Variants in SMYD4 observed in about 807,000 individuals in gnomAD.
The protein encoded by SMYD4 is protein-lysine N-methyltransferase SMYD4.
SMYD4 carries 68 observed loss-of-function variants against 72.8 expected under a neutral mutation model. The observed-to-expected ratio is 0.93, with a 90% confidence interval of 0.77 to 1.14. The LOEUF (loss-of-function observed/expected upper bound fraction) is 1.14. SMYD4 is among the 50% of genes most tolerant of loss of function. The pLI, the probability that SMYD4 is intolerant of heterozygous loss-of-function variation, is 0.00. For synonymous variants in SMYD4, 407 were observed against 388.6 expected (o/e 1.05, Z -0.56); for missense variants, 984 against 1,003.7 (o/e 0.98, Z 0.27).
At chr17:1,815,757 T>A (rs2151248784) in intron 2 of SMYD4, among the ~76,000 whole-genome samples, 1 of 150,940 alleles carries the variant, frequency 6.6e-6, no homozygotes. Context: ...TGGAGTGCAA[T>A]GGTGTGATCT....
At chr17:1,813,909 T>C (rs1207634662) in intron 2 of SMYD4, among the ~76,000 whole-genome samples, 3 of 152,200 alleles carry the variant, frequency 2.0e-5, no homozygotes, top group Non-Finnish European at 2.9e-5. Flanking sequence ...ACTATTCTCT[T>C]TGACTATAAT....
intron 10 of SMYD4, chr17:1,781,675 C>CTT (rs887814604): frequency 2.9e-4 from 53 of 184,292 alleles, no homozygotes; most frequent in South Asian, 9.7e-4. Context: ...AATCTCAAAG[C>CTT]TTTTTTTTTT....
At chr17:1,799,183 T>G (rs113622342) in intron 5 of SMYD4, among the ~76,000 whole-genome samples, 10 of 148,836 alleles carry the variant, frequency 6.7e-5, no homozygotes, top group African/African-American at 2.5e-4. Flanking sequence ...GGCGTGAACC[T>G]GGGAGGCAGA....
intron 3 of SMYD4, among the ~76,000 whole-genome samples, chr17:1,811,729 C>T (rs1485260929): frequency 2.0e-5 from 3 of 152,118 alleles, no homozygotes; most frequent in African/African-American, 7.2e-5. Context: ...TAGTTTGAGA[C>T]CAGCCTGGCC....
chr17:1,799,198 G>T (rs1373028580), intron 5 of SMYD4, among the ~76,000 whole-genome samples: 5 of 147,756 alleles, frequency 3.4e-5, no homozygotes, highest in African/African-American at 1.0e-4. Flanking sequence ...GGCAGAGCTT[G>T]CAGTGAGCTG....
rs888835465 is a variant in SMYD4, at chr17:1,829,852, C to T, written c.-139G>A. 1.5e-5 allele frequency: 5 copies of T among 324,952 alleles called. No homozygotes were observed. The Admixed American group carries it at 2.5e-4, about 16-fold the overall frequency. The allele number at this position is 324,952 out of a possible 1,614,324, so 20.1% of individuals were successfully genotyped here. A position where few individuals can be genotyped will look rare whatever the true frequency, so the allele number is the denominator to read the frequency against. Reference sequence around the variant, plus strand: ...GCGCGCCCCTTGGCGCCCCGCTCCGCCCCGCACCGCGTCCGGCGTCCCGCG... The same window carrying T: ...GCGCGCCCCTTGGCGCCCCGCTCCGTCCCGCACCGCGTCCGGCGTCCCGCG... On this transcript the variant is annotated 5_prime_UTR_variant, in exon 1 of 11. Transcript: ENST00000305513.
At chr17:1,802,820 A>G (rs958113996) in intron 4 of SMYD4, among the ~76,000 whole-genome samples, 1 of 65,474 alleles carries the variant, frequency 1.5e-5, no homozygotes, top group Non-Finnish European at 5.8e-5. Context: ...GTATCCTCCT[A>G]AAACATTAAT....
At chr17:1,824,551 G>A (rs72822489) in intron 2 of SMYD4, among the ~76,000 whole-genome samples, 25,728 of 151,990 alleles carry the variant, frequency 0.17, 2,272 homozygotes, top group Middle Eastern at 0.2. Context: ...AGAATCGTGG[G>A]AGTGGTTTCC....
intron 5 of SMYD4, among the ~76,000 whole-genome samples, chr17:1,792,183 C>T (rs564311152): frequency 2.6e-5 from 4 of 152,018 alleles, no homozygotes; most frequent in East Asian, 2.0e-4. Flanking sequence ...GCTGGGACTA[C>T]AGGCGCCCGC....
chr17:1,797,490 C>G (rs1412718819), intron 5 of SMYD4, among the ~76,000 whole-genome samples: 4 of 152,130 alleles, frequency 2.6e-5, no homozygotes, highest in Non-Finnish European at 5.9e-5. Flanking sequence ...GTAGTGTTAT[C>G]TATAGGCTCC....
intron 2 of SMYD4, among the ~76,000 whole-genome samples, chr17:1,815,414 G>C (rs182675308): frequency 6.6e-6 from 1 of 151,042 alleles, no homozygotes; most frequent in Admixed American, 6.6e-5. Flanking sequence ...TGCCCAGGCT[G>C]TTCTCAAACT....
chr17:1,812,635 G>A (rs1265006053), intron 2 of SMYD4, among the ~76,000 whole-genome samples: 4 of 130,222 alleles, frequency 3.1e-5, no homozygotes, highest in South Asian at 5.1e-4. Context: ...TGCAACCTCC[G>A]CCTCCCTGGT....
chr17:1,790,108 T>G (rs919908610), intron 5 of SMYD4, among the ~76,000 whole-genome samples: 1 of 152,200 alleles, frequency 6.6e-6, no homozygotes, highest in African/African-American at 2.4e-5. Context: ...GTCTGAATAA[T>G]CAGCCTCTGC....
At chr17:1,795,401 T>G (rs1909339372) in intron 5 of SMYD4, among the ~76,000 whole-genome samples, 2 of 138,568 alleles carry the variant, frequency 1.4e-5, no homozygotes. Flanking sequence ...TGGCACGATC[T>G]CAGCTCTATC....
At chr17:1,816,737 A>C (rs1011512574) in intron 2 of SMYD4, among the ~76,000 whole-genome samples, 1 of 151,806 alleles carries the variant, frequency 6.6e-6, no homozygotes, top group Non-Finnish European at 1.5e-5. Flanking sequence ...TACAGGCACA[A>C]TGATCGCACA....
chr17:1,804,582 C>A, intron 4 of SMYD4, 44 bp downstream of exon 4: 1 of 1,554,940 alleles, frequency 6.4e-7, no homozygotes, highest in African/African-American at 1.4e-5. Flanking sequence ...CAGTAAGAAG[C>A]CCTCCGGATC....
At position 1,781,071 on chromosome 17, in the gene SMYD4, C is replaced by T; in HGVS notation, c.*215G>A. 7 of 433,882 alleles carry T rather than the reference C, an allele frequency of 1.6e-5. No individual in the cohort carries two copies. In the South Asian group the frequency reaches 1.6e-4, roughly 10 times the overall value. The allele number at this position is 433,882 out of a possible 1,614,324, so 26.9% of individuals were successfully genotyped here. A position where few individuals can be genotyped will look rare whatever the true frequency, so the allele number is the denominator to read the frequency against. Reference sequence around the variant, plus strand: ...AGTAGCTGGGATTACAGGTGCCCACCACCACGCCTGGCTAGTTTTTTGTAT... The same window carrying T: ...AGTAGCTGGGATTACAGGTGCCCACTACCACGCCTGGCTAGTTTTTTGTAT... On this transcript the variant is annotated 3_prime_UTR_variant, in exon 11 of 11. Transcript: ENST00000305513.
At chr17:1,810,854 G>T (rs927410475) in intron 3 of SMYD4, among the ~76,000 whole-genome samples, 1 of 152,218 alleles carries the variant, frequency 6.6e-6, no homozygotes, top group African/African-American at 2.4e-5. Flanking sequence ...CACGGACTTT[G>T]GCCAGAGCAG....
chr17:1,810,268 T>G (rs893273521), intron 3 of SMYD4, among the ~76,000 whole-genome samples: 6 of 151,958 alleles, frequency 3.9e-5, no homozygotes, highest in Non-Finnish European at 8.8e-5. Flanking sequence ...CTTGAAGAAA[T>G]TCAGAACACA....
Sources: allele counts gnomAD v4.1 joint callset (sites outside exome capture counted in the v4.1 genomes callset), GRCh38; gene constraint gnomAD v4.1.1; transcripts MANE v1.5; gene names NCBI Gene and HGNC (gene_info 2026-07-23, HGNC 2026-07-21).